SCAF4: variants seen among roughly 807,000 people sequenced by gnomAD.
SCAF4 encodes the protein SR-related CTD associated factor 4, also known as SR-related and CTD-associated factor 4.
Under a neutral mutation model 129.8 loss-of-function variants are expected in SCAF4, and 25 were observed. That is an observed-to-expected ratio of 0.19 (90% CI 0.14 to 0.27). The LOEUF is 0.27. Among genes scored for constraint, SCAF4 ranks in the 10% least tolerant of loss-of-function variants. The probability of loss-of-function intolerance (pLI) is 1.00; values close to 1 mark genes in which losing one functional copy is unlikely to be tolerated. For synonymous variants in SCAF4, 551 were observed against 497.7 expected (o/e 1.11, Z -1.43); for missense variants, 1,246 against 1,457.1 (o/e 0.86, Z 2.36).
chr21:31,721,355 T>C (rs961040462), intron 1 of SCAF4, among the ~76,000 whole-genome samples: 1 of 152,226 alleles, frequency 6.6e-6, no homozygotes, highest in African/African-American at 2.4e-5. Flanking sequence ...AAGTCATGTA[T>C]GGCCATTAAA....
intron 1 of SCAF4, among the ~76,000 whole-genome samples, chr21:31,717,904 T>TACACACACACAC (rs35191665): frequency 3.4e-4 from 40 of 117,990 alleles, no homozygotes; most frequent in East Asian, 1.8e-3. Context: ...TACACATATA[T>TACACACACACAC]ACACACACAC....
At chr21:31,723,624 G>C (rs2051128125) in intron 1 of SCAF4, among the ~76,000 whole-genome samples, 1 of 141,948 alleles carries the variant, frequency 7.0e-6, no homozygotes, top group Non-Finnish European at 1.6e-5. Context: ...GTGTGTGTGT[G>C]TGTGTGCGCG....
chr21:31,691,557 T>A (rs2050260024), intron 14 of SCAF4, among the ~76,000 whole-genome samples: 1 of 152,026 alleles, frequency 6.6e-6, no homozygotes, highest in African/African-American at 2.4e-5. Flanking sequence ...AAGCACTAAT[T>A]TACCATGATG....
intron 2 of SCAF4, 53 bp downstream of exon 2, chr21:31,706,221 A>T: frequency 8.3e-6 from 10 of 1,210,154 alleles, no homozygotes; most frequent in Non-Finnish European, 1.2e-5. Flanking sequence ...AAAAGTAATA[A>T]ATATTTTCAA....
intron 9 of SCAF4, among the ~76,000 whole-genome samples, chr21:31,695,718 T>C (rs981786569): frequency 6.6e-6 from 1 of 152,262 alleles, no homozygotes; most frequent in Non-Finnish European, 1.5e-5. Flanking sequence ...CAGTGTGCTA[T>C]GTATGCTCCT....
chr21:31,680,639 T>TA (rs1197660945), intron 19 of SCAF4, among the ~76,000 whole-genome samples: 2 of 152,210 alleles, frequency 1.3e-5, no homozygotes, highest in Non-Finnish European at 2.9e-5. Flanking sequence ...AATTGTTTTT[T>TA]AAAAAATTAC....
At chr21:31,719,557 T>C (rs139117883) in intron 1 of SCAF4, among the ~76,000 whole-genome samples, 3 of 152,268 alleles carry the variant, frequency 2.0e-5, no homozygotes, top group East Asian at 3.9e-4. Context: ...CAGGCTGGAA[T>C]GCAATGGTGT....
At chr21:31,686,595 A>ATT (rs778319371) in intron 16 of SCAF4, among the ~76,000 whole-genome samples, 1 of 147,604 alleles carries the variant, frequency 6.8e-6, no homozygotes, top group African/African-American at 2.5e-5. Flanking sequence ...AACGTTAGCT[A>ATT]TTTTTTTTTT....
chr21:31,690,742 A>AT, intron 15 of SCAF4, 55 bp downstream of exon 15: 1 of 1,507,868 alleles, frequency 6.6e-7, no homozygotes, highest in Non-Finnish European at 9.0e-7. Flanking sequence ...TCGATTTGTC[A>AT]TATGTACTAC....
chr21:31,730,988 T>G (rs2051338250), intron 1 of SCAF4, among the ~76,000 whole-genome samples: 1 of 152,330 alleles, frequency 6.6e-6, no homozygotes, highest in East Asian at 1.9e-4. Context: ...ATTCAACTTT[T>G]TAGGCGTCAC....
At chr21:31,685,351 C>A (rs754523059) in intron 18 of SCAF4, 47 bp downstream of exon 18, 1 of 1,553,086 alleles carries the variant, frequency 6.4e-7, no homozygotes, top group Non-Finnish European at 8.8e-7. Context: ...CCCTCCTACA[C>A]CCAGCTCCAA....
At chr21:31,709,692 C>A (rs141731566) in intron 1 of SCAF4, among the ~76,000 whole-genome samples, 1 of 152,224 alleles carries the variant, frequency 6.6e-6, no homozygotes, top group East Asian at 1.9e-4. Context: ...GAGACAGCTG[C>A]AGAGTATTAC....
chr21:31,688,177 C>T, intron 16 of SCAF4, 130 bp downstream of exon 16: 1 of 127,200 alleles, frequency 7.9e-6, no homozygotes, highest in Non-Finnish European at 1.5e-5. Context: ...TCTGATAAAA[C>T]ATGAAAAATG....
chr21:31,720,243 A>G (rs1362129724), intron 1 of SCAF4, among the ~76,000 whole-genome samples: 1 of 152,272 alleles, frequency 6.6e-6, no homozygotes, highest in Admixed American at 6.5e-5. Context: ...TTAGAAAACA[A>G]TATTAATGCT....
At chr21:31,685,546 G>A (rs2050099555) in intron 17 of SCAF4, 22 bp downstream of exon 17, 2 of 1,614,026 alleles carry the variant, frequency 1.2e-6, no homozygotes, top group South Asian at 1.1e-5. Context: ...TCTAAAGTAT[G>A]TTCACAGACA....
At chr21:31,731,086 C>G (rs2051341371) in intron 1 of SCAF4, among the ~76,000 whole-genome samples, 1 of 152,204 alleles carries the variant, frequency 6.6e-6, no homozygotes, top group African/African-American at 2.4e-5. Flanking sequence ...GCCCTATTTC[C>G]CAAGTGCGTG....
rs770738625 is a variant in SCAF4, at chr21:31,671,417, T to G, written c.3426A>C (p.Ala1142=). Residue 1142 remains alanine, a synonymous_variant, in exon 20 of 20, where the codon GCA becomes GCC. Transcript: ENST00000286835. Reference sequence around the variant, plus strand: ...CCAGTCTCTAACGAGGAGCCTCTGCTGCTGAGCCAGAATCCTTTTCGGGTT... The same window carrying G: ...CCAGTCTCTAACGAGGAGCCTCTGCGGCTGAGCCAGAATCCTTTTCGGGTT... ...SVEPEKDSGS[A]AEAPR The G allele has an allele frequency of 1.5e-5, 24 of 1,613,638 alleles. No homozygotes were observed. The highest frequency in any genetic ancestry group is 1.9e-5 in the Non-Finnish European group (23 of 1,179,798).
chr21:31,706,049 G>A (rs2050653816), intron 2 of SCAF4, among the ~76,000 whole-genome samples: 1 of 152,150 alleles, frequency 6.6e-6, no homozygotes, highest in African/African-American at 2.4e-5. Flanking sequence ...CAGCCTGGGT[G>A]GCGCAGTGAG....
At chr21:31,723,891 A>G (rs970095523) in intron 1 of SCAF4, among the ~76,000 whole-genome samples, 1 of 152,122 alleles carries the variant, frequency 6.6e-6, no homozygotes, top group East Asian at 1.9e-4. Flanking sequence ...TTGGATGGCC[A>G]TCCACCTTTC....
Sources: gnomAD v4.1 joint callset for allele counts (sites outside exome capture counted in the v4.1 genomes callset) on GRCh38, gnomAD v4.1.1 for gene constraint, MANE v1.5 for transcripts, NCBI Gene and HGNC (gene_info 2026-07-23, HGNC 2026-07-21) for gene names.